PZP: variants seen among roughly 807,000 people sequenced by gnomAD.
PZP encodes pregnancy zone protein.
Under a neutral mutation model 179.8 loss-of-function variants are expected in PZP, and 150 were observed. The observed-to-expected ratio is 0.83, with a 90% CI of 0.73 to 0.96. The LOEUF is 0.96. Among genes scored for constraint, PZP ranks in the 40% least tolerant of loss-of-function variants. The pLI is 0.00. For synonymous variants in PZP, 624 were observed against 652.3 expected (o/e 0.96, Z 0.66); for missense variants, 1,689 against 1,764.0 (o/e 0.96, Z 0.76).
chr12:9,187,787 T>A (rs1273112312), intron 13 of PZP, among the ~76,000 whole-genome samples: 1 of 152,252 alleles, frequency 6.6e-6, no homozygotes, highest in Non-Finnish European at 1.5e-5. Context: ...TCAGCTGTGC[T>A]GTGCAGGTGA....
intron 25 of PZP, among the ~76,000 whole-genome samples, chr12:9,158,968 T>C (rs1940974586): frequency 6.6e-6 from 1 of 152,188 alleles, no homozygotes; most frequent in African/African-American, 2.4e-5. Flanking sequence ...TTAACTCTAA[T>C]CAGCTAACTT....
Position 9,177,404 on chromosome 12 carries a change from G to A in PZP, c.1839+3579C>T, listed in dbSNP as rs773900720. Among the ~76,000 whole-genome samples the A allele has an allele frequency of 1.2e-4, 18 of 152,304 alleles. No homozygotes were observed. In the East Asian group the frequency reaches 2.5e-3, roughly 21 times the overall value. On this transcript the variant is annotated intron_variant, in intron 15 of 35. Transcript: ENST00000261336. ...TCTGTCAAGCTGTCAGGTGGCTGCA[G>A]CTTTGGCCGCCATGTTAATCGCAAC...
intron 7 of PZP, among the ~76,000 whole-genome samples, chr12:9,198,512 GAC>G (rs1943967901): frequency 6.6e-6 from 1 of 152,000 alleles, no homozygotes; most frequent in Non-Finnish European, 1.5e-5. Context: ...AAAATGCACA[GAC>G]ACACGCACAC....
intron 2 of PZP, 111 bp from the exon 3 acceptor site, chr12:9,202,795 A>G: frequency 9.8e-7 from 1 of 1,022,070 alleles, no homozygotes; most frequent in South Asian, 1.6e-5. Flanking sequence ...AGGAGAAGGA[A>G]GGTGTGACTA....
intron 1 of PZP, among the ~76,000 whole-genome samples, chr12:9,205,849 A>C (rs1433256510): frequency 6.6e-6 from 1 of 152,200 alleles, no homozygotes; most frequent in Non-Finnish European, 1.5e-5. Context: ...GAATCCAAGG[A>C]TAATTGAGTT....
chr12:9,138,222 G>A, the PZP span, among the ~76,000 whole-genome samples: 1 of 151,898 alleles, frequency 6.6e-6, no homozygotes, highest in African/African-American at 2.4e-5. Context: ...TTTTTAACAT[G>A]AAAGAATGTT....
In PZP at chr12:9,149,534, T is replaced by C. The variant is rs139706885; in HGVS notation, c.4426+27A>G. On this transcript the variant is annotated intron_variant, in intron 35 of 35. Coordinates refer to ENST00000261336, the MANE Select transcript of PZP (RefSeq NM_002864.3). Reference sequence around the variant, plus strand: ...TGGAGAGTGGGTTAATGCCATCTAGTACTGGTCATAAGTGGTGAACTCTTA... The same window carrying C: ...TGGAGAGTGGGTTAATGCCATCTAGCACTGGTCATAAGTGGTGAACTCTTA... 3.1e-3 allele frequency: 4,905 copies of C among 1,603,300 alleles called. 10 individuals are homozygous for C. Among genetic ancestry groups the C allele is most frequent in the Non-Finnish European group, 3.7e-3 (4,385 of 1,172,134 alleles).
downstream of PZP, among the ~76,000 whole-genome samples, chr12:9,145,108 G>GT (rs938816351): frequency 4.6e-5 from 7 of 152,058 alleles, no homozygotes; most frequent in African/African-American, 1.7e-4. Flanking sequence ...ATTTGGGTCT[G>GT]TTTTTTTAAC....
At chr12:9,163,141 T>C (rs1041149193) in intron 21 of PZP, among the ~76,000 whole-genome samples, 1 of 151,892 alleles carries the variant, frequency 6.6e-6, no homozygotes, top group Non-Finnish European at 1.5e-5. Flanking sequence ...CTAATGGGTA[T>C]GAGAGATATG....
At chr12:9,151,320 G>A (rs999448402) in intron 33 of PZP, among the ~76,000 whole-genome samples, 4 of 151,740 alleles carry the variant, frequency 2.6e-5, no homozygotes. Context: ...CAGGGAGTGG[G>A]GCCTTTAAAA....
rs1565668053 is a variant in PZP, at chr12:9,200,913, G to A, written c.649C>T (p.Pro217Ser). The change falls in exon 6 of 36, where the codon CCC becomes TCC. Residue 217 changes from proline (P) to serine (S), a missense_variant. Transcript: ENST00000261336. ...QTESGGRIQH[P>S]FTVEEFVLPK... ...ATACCAAATTCCTCCACGGTGAAGG[G>A]GTGCTGTATCCTTCCACCTGATTCT... The A allele has an allele frequency of 1.2e-6, 2 of 1,613,128 alleles. No homozygotes were observed. Among genetic ancestry groups the A allele is most frequent in the Middle Eastern group, 3.3e-4 (2 of 6,054 alleles).
chr12:9,156,866 T>A (rs1940792463), intron 28 of PZP, among the ~76,000 whole-genome samples: 1 of 152,178 alleles, frequency 6.6e-6, no homozygotes, highest in Non-Finnish European at 1.5e-5. Flanking sequence ...CTGTTTGCTC[T>A]CACCTTTTTT....
At chr12:9,149,048 A>C in intron 35 of PZP, 54 bp from the exon 36 acceptor site, 2 of 1,517,850 alleles carry the variant, frequency 1.3e-6, no homozygotes, top group Non-Finnish European at 1.8e-6. Context: ...AGGAGCATTC[A>C]GTTGAGTGTG....
chr12:9,208,301 A>G lies in PZP; in HGVS notation c.41T>C (p.Leu14Pro). The G allele has an allele frequency of 6.2e-7, 1 of 1,613,794 alleles. No homozygotes were observed. Among genetic ancestry groups the G allele is most frequent in the Non-Finnish European group, 8.5e-7 (1 of 1,179,736 alleles). The change falls in exon 1 of 36, where the codon CTT becomes CCT. Residue 14 changes from leucine to proline, a missense_variant. Physicochemically the swap from Leu to Pro is moderately conservative, Grantham distance 98. Transcript: ENST00000261336. ...GTCACTGGCAGAAAGCAGGATAAGA[A>G]GTAGCACAAGACATAAATGAAGAAG... ...DRLLHLCLVL[L>P]LILLSASDSN...
downstream of PZP, among the ~76,000 whole-genome samples, chr12:9,144,582 T>G (rs1407641030): frequency 6.6e-6 from 1 of 152,176 alleles, no homozygotes; most frequent in Non-Finnish European, 1.5e-5. Context: ...ACAGGTTTAT[T>G]TTGGAGAATA....
rs775063338 is a variant in PZP, at chr12:9,197,091, G to A, written c.788C>T (p.Ala263Val). Residue 263 changes from alanine to valine, a missense_variant, in exon 8 of 36, where the codon GCA becomes GTA. This residue lies in a region of PZP where 742 missense variants were observed against 730.5 expected (regional missense o/e 1.02). Coordinates refer to ENST00000261336, the MANE Select transcript of PZP (RefSeq NM_002864.3). ...TAATTTTCTACACAGGCTCACAGTTGCAAGTCCTGGGACAGGCTTCCCATA... is the reference window on the plus strand; with the variant it reads ...TAATTTTCTACACAGGCTCACAGTTACAAGTCCTGGGACAGGCTTCCCATA... ...YTYGKPVPGLATVSLCRKLSR... is the reference protein window; with the variant it reads ...YTYGKPVPGLVTVSLCRKLSR... The A allele has an allele frequency of 1.9e-6, 3 of 1,613,222 alleles. No individual in the cohort carries two copies. The highest frequency in any genetic ancestry group is 2.7e-5 in the African/African-American group (2 of 74,864).
intron 34 of PZP, among the ~76,000 whole-genome samples, chr12:9,150,118 T>A (rs745351009): frequency 6.6e-6 from 1 of 152,334 alleles, no homozygotes; most frequent in Admixed American, 6.5e-5. Context: ...TTGTCACTAA[T>A]AGTCTTTCCT....
In PZP at chr12:9,166,147, C is replaced by A; in HGVS notation, c.2163G>T (p.Val721=). 4.3e-6 allele frequency: 7 copies of A among 1,613,894 alleles called. No homozygotes were observed. The highest frequency in any genetic ancestry group is 5.9e-6 in the Non-Finnish European group (7 of 1,179,908). ...PYVPQLGTYN[V]IPLNNEQSSG... ...AACTTTGTTCATTATTTAAGGGTAT[C>A]ACATTATATGTGCCTAATTGAGGAA... Residue 721 remains valine, a synonymous_variant, in exon 18 of 36, where the codon GTG becomes GTT. Coordinates refer to ENST00000261336, the MANE Select transcript of PZP (RefSeq NM_002864.3).
At chr12:9,160,923 A>G in intron 23 of PZP, 110 bp downstream of exon 23, 1 of 955,752 alleles carries the variant, frequency 1.0e-6, no homozygotes, top group Non-Finnish European at 1.6e-6. Flanking sequence ...TCAAAAAAAT[A>G]AAAAAGAATA....
Sources: allele counts gnomAD v4.1 joint callset (sites outside exome capture counted in the v4.1 genomes callset), GRCh38; gene constraint gnomAD v4.1.1; regional missense constraint gnomAD v4.1.1; transcripts MANE v1.5; gene names NCBI Gene and HGNC (gene_info 2026-07-23, HGNC 2026-07-21).